The following GOLGA6L2 variants were observed in gnomAD, a reference collection of about 807,000 sequenced individuals.
GOLGA6L2 encodes the protein golgin A6 family like 2, also known as golgin subfamily A member 6-like protein 2.
Under a neutral mutation model 35.9 loss-of-function variants are expected in GOLGA6L2, and 30 were observed. That is an observed-to-expected ratio of 0.83 (90% CI 0.62 to 1.13). The LOEUF (loss-of-function observed/expected upper bound fraction) is 1.13. Among genes scored for constraint, GOLGA6L2 ranks in the 50% most tolerant of loss-of-function variants. The probability of loss-of-function intolerance (pLI) is 0.00; values close to 1 mark genes in which losing one functional copy is unlikely to be tolerated. For synonymous variants in GOLGA6L2, 297 were observed against 344.0 expected (o/e 0.86, Z 1.51); for missense variants, 821 against 973.4 (o/e 0.84, Z 2.08).
In GOLGA6L2 at chr15:23,439,130, A is replaced by G. The variant is rs1193980420; in HGVS notation, c.*615T>C. ...AGAAAAACAATAGAAACATACATAGATATCAGAGTCCTCAGGTAGAAACTT... is the reference window on the plus strand; with the variant it reads ...AGAAAAACAATAGAAACATACATAGGTATCAGAGTCCTCAGGTAGAAACTT... On this transcript the variant is annotated 3_prime_UTR_variant, in exon 8 of 8. Coordinates refer to ENST00000567107, the MANE Select transcript of GOLGA6L2 (RefSeq NM_001304388.2). 1.3e-5 allele frequency among the ~76,000 whole-genome samples: 2 copies of G among 150,628 alleles called. No individual in the cohort carries two copies. Among genetic ancestry groups the G allele is most frequent in the Non-Finnish European group, 2.9e-5 (2 of 67,840 alleles).
rs1411159742 is a variant in GOLGA6L2, at chr15:23,441,452, CTTCTGCTCCCGCAGCTCCTT to C, written c.1003_1022del (p.Lys335GlufsTer305). On this transcript the variant is annotated frameshift_variant, in exon 8 of 8. Transcript: ENST00000567107. LOFTEE classifies it low-confidence loss of function (END_TRUNC). ...TCTGCTCCTCCTGCTCCCGCAGCTT[CTTCTGCTCCCGCAGCTCCTT>C]CTCCTGCTCCCGCAGCTCCTTCTCC... 4 of 1,406,758 alleles carry C rather than the reference CTTCTGCTCCCGCAGCTCCTT, an allele frequency of 2.8e-6. No individual in the cohort carries two copies. The highest frequency in any genetic ancestry group is 2.9e-6 in the Non-Finnish European group (3 of 1,051,144). The allele number at this position is 1,406,758 out of a possible 1,614,324, so 87.1% of individuals were successfully genotyped here. A position where few individuals can be genotyped will look rare whatever the true frequency, so the allele number is the denominator to read the frequency against.
intron 3 of GOLGA6L2, 96 bp from the exon 4 acceptor site, chr15:23,444,308 C>T (rs558742534): frequency 3.2e-5 from 48 of 1,494,560 alleles, no homozygotes; most frequent in South Asian, 5.8e-5. Flanking sequence ...CCAGGACAGG[C>T]GCACCCATGG....
At chr15:23,442,569 G>A (rs1349433806) in intron 5 of GOLGA6L2, 61 bp from the exon 6 acceptor site, 2 of 1,478,868 alleles carry the variant, frequency 1.4e-6, no homozygotes, top group South Asian at 2.4e-5. Context: ...GGCCGACCAG[G>A]AACAACAGCT....
At chr15:23,443,709 A>T in intron 5 of GOLGA6L2, 68 bp downstream of exon 5, 1 of 1,202,204 alleles carries the variant, frequency 8.3e-7, no homozygotes, top group Non-Finnish European at 1.2e-6. Flanking sequence ...TGCAGGAGGG[A>T]CCTTTAGGCT....
At chr15:23,442,708 G>A (rs1368858784) in intron 5 of GOLGA6L2, among the ~76,000 whole-genome samples, 200 bp from the exon 6 acceptor site, 1 of 151,374 alleles carries the variant, frequency 6.6e-6, no homozygotes, top group Non-Finnish European at 1.5e-5. Context: ...TAGAGATGGA[G>A]TTTTGCTCTT....
intron 7 of GOLGA6L2, 148 bp downstream of exon 7, chr15:23,441,831 C>T (rs760034845): frequency 7.4e-7 from 1 of 1,357,236 alleles, no homozygotes; most frequent in Non-Finnish European, 9.7e-7. Flanking sequence ...AGATTTTTAG[C>T]ACACTCTAGA....
rs183426462 is a variant in GOLGA6L2 at position 23,444,073 on chromosome 15, C to T, written c.295G>A (p.Ala99Thr). 48 of 1,569,844 alleles carry T rather than the reference C, an allele frequency of 3.1e-5. No individual in the cohort carries two copies. The African/African-American group carries it at 5.8e-4, about 19-fold the overall frequency. The change falls in exon 5 of 8, where the codon GCC becomes ACC. Residue 99 changes from alanine to threonine, a missense_variant and splice_region_variant. Ala to Thr is a moderately conservative substitution (Grantham distance 58). This residue lies in a region of GOLGA6L2 where 614 missense variants were observed against 632.3 expected (regional missense o/e 0.97). Transcript: ENST00000567107. ...HQEALRREIE[A>T]QDHTIRILTC... ...AGAATTCGTATTGTATGATCCTGGG[C>T]CTTTGGGAGAAAAGACAAGCAAGTG... is the stretch of plus-strand genomic sequence containing the variant.
chr15:23,439,188 TC>T lies in GOLGA6L2; in HGVS notation c.*556del. Among the ~76,000 whole-genome samples, 2 of 15,870 alleles carry T rather than the reference TC, an allele frequency of 1.3e-4. No individual in the cohort carries two copies. Among genetic ancestry groups the T allele is most frequent in the East Asian group, 0.02 (2 of 100 alleles). 10.4% of individuals were successfully genotyped at this position (15,870 alleles called of 152,430 possible). On this transcript the variant is annotated 3_prime_UTR_variant, in exon 8 of 8. Transcript: ENST00000567107. ...TTTTTTGAGATGGAATCTCGCTCTG[TC>T]ATCCAGGCTGGAATGCGGTGGTGTG...
At chr15:23,443,247 C>T (rs1875909) in intron 5 of GOLGA6L2, among the ~76,000 whole-genome samples, 122,879 of 152,036 alleles carry the variant, frequency 0.81, 50,416 homozygotes, top group Middle Eastern at 0.88. Context: ...TTTGAAAGAA[C>T]GATACATTGG....
In GOLGA6L2 at chr15:23,444,479, G is replaced by T. The variant is rs1376620542; in HGVS notation, c.235C>A (p.Leu79Met). ...CAAACAAATCACGTTACTTCTTTCA[G>T]CTGCGCTCGGTTCTGTTGTGTCTGT... ...PEDTQQNRAQLKEEKKASHQH... is the reference protein window; with the variant it reads ...PEDTQQNRAQMKEEKKASHQH... The change falls in exon 3 of 8, where the codon CTG (leucine) becomes ATG (methionine). Residue 79 changes from leucine to methionine, a missense_variant. Coordinates refer to ENST00000567107, the MANE Select transcript of GOLGA6L2 (RefSeq NM_001304388.2). 10 of 1,600,122 alleles carry T rather than the reference G, an allele frequency of 6.2e-6. No individual in the cohort carries two copies. Among genetic ancestry groups the T allele is most frequent in the Non-Finnish European group, 7.6e-6 (9 of 1,179,788 alleles).
intron 3 of GOLGA6L2, 129 bp from the exon 4 acceptor site, chr15:23,444,341 TG>T: frequency 6.8e-7 from 1 of 1,470,344 alleles, no homozygotes. Context: ...AGGGACCCTG[TG>T]GGGATGGGGT....
At chr15:23,443,511 G>A (rs1396984096) in intron 5 of GOLGA6L2, among the ~76,000 whole-genome samples, 1 of 152,080 alleles carries the variant, frequency 6.6e-6, no homozygotes, top group African/African-American at 2.4e-5. Flanking sequence ...CTAGGACTTG[G>A]TCAAGGCCAC....
In GOLGA6L2 at chr15:23,442,439, C is replaced by G; in HGVS notation, c.650+11G>C. The G allele has an allele frequency of 6.3e-7, 1 of 1,595,730 alleles. No individual in the cohort carries two copies. Among genetic ancestry groups the G allele is most frequent in the Non-Finnish European group, 8.5e-7 (1 of 1,178,098 alleles). On this transcript the variant is annotated intron_variant, in intron 6 of 7. Transcript: ENST00000567107. ...CCCCCAGACCTCCCATCCCACCTTC[C>G]CCCATCCTACGTGTTCCTGTACAGT...
In GOLGA6L2 at chr15:23,439,587, A is replaced by C; in HGVS notation, c.*158T>G. The C allele has an allele frequency of 6.5e-7, 1 of 1,535,814 alleles. No individual in the cohort carries two copies. Among genetic ancestry groups the C allele is most frequent in the Non-Finnish European group, 8.7e-7 (1 of 1,146,770 alleles). On this transcript the variant is annotated 3_prime_UTR_variant, in exon 8 of 8. Coordinates refer to ENST00000567107, the MANE Select transcript of GOLGA6L2 (RefSeq NM_001304388.2). ...ATCTTTCTCTTGTCTCCTCGGTAGA[A>C]GAATGGGATGCAGGAGGTACTGCCT...
chr15:23,445,801 T>C (rs1349412389), intron 1 of GOLGA6L2, among the ~76,000 whole-genome samples: 1 of 152,184 alleles, frequency 6.6e-6, no homozygotes, highest in Non-Finnish European at 1.5e-5. Context: ...CACCACTACC[T>C]CTCAGACTTT....
chr15:23,442,615 C>G, intron 5 of GOLGA6L2, 107 bp from the exon 6 acceptor site: 1 of 1,052,252 alleles, frequency 9.5e-7, no homozygotes, highest in Non-Finnish European at 1.4e-6. Flanking sequence ...CCTCACTCTC[C>G]ATCACACCCG....
intron 7 of GOLGA6L2, 85 bp downstream of exon 7, chr15:23,441,894 G>A: frequency 6.8e-7 from 1 of 1,475,456 alleles, no homozygotes; most frequent in Non-Finnish European, 8.9e-7. Context: ...CTCTTGGCTG[G>A]ACCCTCCCCA....
Position 23,440,900 on chromosome 15 carries a change from C to T in GOLGA6L2, c.1575G>A (p.Glu525=). The change falls in exon 8 of 8, where the codon GAG becomes GAA. Residue 525 remains glutamate (E), a synonymous_variant. Coordinates refer to ENST00000567107, the MANE Select transcript of GOLGA6L2 (RefSeq NM_001304388.2). The part of the protein sequence containing the change: ...EQEEKIRDQE[E]MWGQEKKMWR... Reference sequence around the variant, plus strand: ...ACATCTTCTTCTCCTGCCCCCACATCTCCTCCTGGTCCCGTATCTTCTCCT... The same window carrying T: ...ACATCTTCTTCTCCTGCCCCCACATTTCCTCCTGGTCCCGTATCTTCTCCT... The T allele has an allele frequency of 2.0e-6, 3 of 1,478,206 alleles. No homozygotes were observed. 91.6% of individuals were successfully genotyped at this position (1,478,206 alleles called of 1,614,324 possible).
intron 1 of GOLGA6L2, among the ~76,000 whole-genome samples, chr15:23,446,149 A>G (rs1209933814): frequency 1.3e-5 from 2 of 152,184 alleles, no homozygotes; most frequent in South Asian, 2.1e-4. Flanking sequence ...CTGATGGGCA[A>G]TCTGGTCCCA....
Sources: allele counts gnomAD v4.1 joint callset (sites outside exome capture counted in the v4.1 genomes callset), GRCh38; gene constraint gnomAD v4.1.1; regional missense constraint gnomAD v4.1.1; transcripts MANE v1.5; gene names NCBI Gene and HGNC (gene_info 2026-07-23, HGNC 2026-07-21).